The following DCHS1 variants were observed in gnomAD, a reference collection of about 807,000 sequenced individuals.
DCHS1 encodes protocadherin-16.
Under a neutral mutation model 213.9 loss-of-function variants are expected in DCHS1, and 78 were observed. The ratio of observed to expected loss-of-function variants is 0.36; its 90% CI spans 0.30 to 0.44. The LOEUF (loss-of-function observed/expected upper bound fraction) is 0.44, where lower values mean the gene tolerates loss of function less well. Among genes scored for constraint, DCHS1 ranks in the 20% least tolerant of loss-of-function variants. DCHS1 has a pLI of 1.00. For missense variants in DCHS1, 3,946 were observed against 4,395.9 expected, an observed-to-expected ratio of 0.90 and a Z score of 2.89; for synonymous variants, 1,828 against 1,873.7, an observed-to-expected ratio of 0.98 and a Z score of 0.63.
rs756426550 is a variant in DCHS1 at position 6,624,067 on chromosome 11, G to A, written c.7609C>T (p.Leu2537=). 29 of 1,613,022 alleles carry A rather than the reference G, an allele frequency of 1.8e-5. No homozygotes were observed. The highest frequency in any genetic ancestry group is 2.1e-5 in the Non-Finnish European group (25 of 1,179,666). The change falls in exon 21 of 21, where the codon CTG becomes TTG. Residue 2537 remains leucine (L), a synonymous_variant. Coordinates refer to ENST00000299441, the MANE Select transcript of DCHS1 (RefSeq NM_003737.4). ...WGRVFQLEPR[L]AEAGESAGPG... The stretch of plus-strand genomic sequence containing the variant: ...CCAGCACTCTCCCCAGCCTCAGCCA[G>A]CCTGGGTTCCAGCTGGAAGACTCGG...
chr11:6,622,287 G>A lies in DCHS1; in HGVS notation c.9389C>T (p.Thr3130Ile). Residue 3130 changes from threonine to isoleucine, a missense_variant, in exon 21 of 21, where the codon ACT (threonine) becomes ATT (isoleucine). Thr to Ile is a moderately conservative substitution (Grantham distance 89, BLOSUM62 -1). Around this residue, in one of 3 missense-constraint regions of DCHS1, gnomAD observed 554 missense variants for 590.2 expected, o/e 0.94. Transcript: ENST00000299441. The surrounding 1 kb of genome is among the most constrained non-coding windows in gnomAD (Gnocchi z 5.4). ...LGGCGLSPAP[T>I]GDYGFPADGK... ...ATCTGCTGGGAAGCCATAGTCCCCAGTGGGTGCAGGGCTCAGGCCACAGCC... is the reference window on the plus strand; with the variant it reads ...ATCTGCTGGGAAGCCATAGTCCCCAATGGGTGCAGGGCTCAGGCCACAGCC... 6.2e-7 allele frequency: 1 copy of A among 1,607,336 alleles called. No homozygotes were observed. The highest frequency in any genetic ancestry group is 8.5e-7 in the Non-Finnish European group (1 of 1,177,414).
In DCHS1 at chr11:6,641,764, A is replaced by G; in HGVS notation, c.-120-31T>C. Reference sequence around the variant, plus strand: ...AGAAAACAGAAGGAAACGGGTCATGACAGAGGAGGGATCAGCAGTCCAGAT... The same window carrying G: ...AGAAAACAGAAGGAAACGGGTCATGGCAGAGGAGGGATCAGCAGTCCAGAT... On this transcript the variant is annotated intron_variant, in intron 1 of 20. Coordinates refer to ENST00000299441, the MANE Select transcript of DCHS1 (RefSeq NM_003737.4). The surrounding 1 kb of genome is among the most constrained non-coding windows in gnomAD (Gnocchi z 7.1). 1 of 1,428,262 alleles carries G rather than the reference A, an allele frequency of 7.0e-7. No individual in the cohort carries two copies. The highest frequency in any genetic ancestry group is 9.1e-7 in the Non-Finnish European group (1 of 1,093,166). 88.5% of individuals were successfully genotyped at this position (1,428,262 alleles called of 1,614,324 possible). A position where few individuals can be genotyped will look rare whatever the true frequency, so the allele number is the denominator to read the frequency against.
intron 11 of DCHS1, 43 bp downstream of exon 11, chr11:6,629,628 TG>T: frequency 1.2e-6 from 2 of 1,612,936 alleles, no homozygotes; most frequent in Non-Finnish European, 1.7e-6. Flanking sequence ...TGCTGTTTCT[TG>T]CCCCAGTCCA....
In DCHS1 at chr11:6,632,479, T is replaced by C; in HGVS notation, c.3033A>G (p.Ser1011=). Residue 1011 remains serine, a synonymous_variant, in exon 6 of 21, where the codon TCA becomes TCG. Transcript: ENST00000299441. This position sits in a 1 kb window ranked among gnomAD's most constrained non-coding sequence, Gnocchi z 5.9. ...GGACCTGAGTTCCAGCAGTGGTGCC[T>C]GAGGGCAGGTCCACACGGTAGGTAG... ...NSPTYRVDLP[S]GTTAGTQVLQ... The C allele has an allele frequency of 6.3e-7, 1 of 1,585,452 alleles. No individual in the cohort carries two copies.
At position 6,641,880 on chromosome 11, in the gene DCHS1, T is replaced by C; in HGVS notation, c.-120-147A>G. 1 of 666,580 alleles carries C rather than the reference T, an allele frequency of 1.5e-6. No homozygotes were observed. Among genetic ancestry groups the C allele is most frequent in the Non-Finnish European group, 2.3e-6 (1 of 427,030 alleles). 41.3% of individuals were successfully genotyped at this position (666,580 alleles called of 1,614,324 possible). A position where few individuals can be genotyped will look rare whatever the true frequency, so the allele number is the denominator to read the frequency against. On this transcript the variant is annotated intron_variant, in intron 1 of 20. Transcript: ENST00000299441. The surrounding 1 kb of genome is among the most constrained non-coding windows in gnomAD (Gnocchi z 7.1). ...ACACTCATCTTGGGCCACACGGATC[T>C]CTGCCTCAGGACTCTTCGAGGCCAC...
At position 6,622,041 on chromosome 11, in the gene DCHS1, C is replaced by A; in HGVS notation, c.9635G>T (p.Gly3212Val). 1 of 1,612,618 alleles carries A rather than the reference C, an allele frequency of 6.2e-7. No individual in the cohort carries two copies. Among genetic ancestry groups the A allele is most frequent in the Non-Finnish European group, 8.5e-7 (1 of 1,179,486 alleles). ...PPLITAVAHP[G>V]AKSVPPKPAN... ...TGGCTTGGGGGGCACAGACTTGGCT[C>A]CTGGGTGGGCCACGGCAGTGATGAG... The change falls in exon 21 of 21, where the codon GGA becomes GTA. Residue 3212 changes from glycine (G) to valine (V), a missense_variant. Gly to Val is a moderately radical substitution (Grantham distance 109, BLOSUM62 -3). Coordinates refer to ENST00000299441, the MANE Select transcript of DCHS1 (RefSeq NM_003737.4). This position sits in a 1 kb window ranked among gnomAD's most constrained non-coding sequence, Gnocchi z 5.4.
In DCHS1 at chr11:6,624,282, C is replaced by G. The variant is rs773889155; in HGVS notation, c.7394G>C (p.Arg2465Pro). 1 of 1,602,218 alleles carries G rather than the reference C, an allele frequency of 6.2e-7. No individual in the cohort carries two copies. Among genetic ancestry groups the G allele is most frequent in the African/African-American group, 1.3e-5 (1 of 74,756 alleles). Residue 2465 changes from arginine to proline, a missense_variant, in exon 21 of 21, where the codon CGA becomes CCA. Physicochemically the swap from Arg to Pro is moderately radical, Grantham distance 103. This residue lies in a region of DCHS1 where 3,384 missense variants were observed against 3,780.1 expected (regional missense o/e 0.90). Transcript: ENST00000299441. ...RDHGAPGRAA[R>P]ATVHVQLQDQ... ...CTGCAGCTGCACGTGCACTGTGGCT[C>G]GTGCTGCCCGGCCTGGAGCCCCGTG...
In DCHS1 at chr11:6,639,960, C is replaced by G. The variant is rs778093381; in HGVS notation, c.1654G>C (p.Asp552His). 1.2e-6 allele frequency: 2 copies of G among 1,614,030 alleles called. No individual in the cohort carries two copies. Among genetic ancestry groups the G allele is most frequent in the South Asian group, 2.2e-5 (2 of 91,082 alleles). The change falls in exon 2 of 21, where the codon GAT becomes CAT. Residue 552 changes from aspartate to histidine, a missense_variant. By Grantham distance (81) the Asp-to-His change is moderately conservative. Transcript: ENST00000299441. Reference protein sequence around the residue: ...PQPQLIVVATDGGLPPLASSA... With the variant: ...PQPQLIVVATHGGLPPLASSA... ...GAGGCTAGAGGGGGCAGGCCACCAT[C>G]TGTGGCCACCACAATCAGCTGTGGC...
In DCHS1 at chr11:6,631,405, T is replaced by C. The variant is rs374415969; in HGVS notation, c.3678A>G (p.Val1226=). The change falls in exon 8 of 21, where the codon GTA becomes GTG. Residue 1226 remains valine, a splice_region_variant and synonymous_variant. Transcript: ENST00000299441. ...GAAGGGLPIQ[V]PDRVPPGTLV... The stretch of plus-strand genomic sequence containing the variant: ...GTGTTCCCGGAGGCACGCGGTCTGG[T>C]ACCTGTGGGAACACAACTCACCTAG... 2.5e-5 allele frequency: 41 copies of C among 1,613,972 alleles called. 1 individual carries two copies. Among genetic ancestry groups the C allele is most frequent in the Admixed American group, 1.7e-4 (10 of 60,036 alleles).
rs981179741 is a variant in DCHS1 at position 6,630,399 on chromosome 11, G to A, written c.4395C>T (p.Gly1465=). 1.4e-6 allele frequency: 2 copies of A among 1,418,694 alleles called. No individual in the cohort carries two copies. The highest frequency in any genetic ancestry group is 1.8e-6 in the Non-Finnish European group (2 of 1,091,122). The allele number at this position is 1,418,694 out of a possible 1,614,324, so 87.9% of individuals were successfully genotyped here. ...AGCGCACGTCGCTATTGGGGCCGGG[G>A]CCGTCGGCGTCCGACGCGCGGAAAG... is the stretch of plus-strand genomic sequence containing the variant. The part of the protein sequence containing the change: ...LYTFRASDAD[G]PGPNSDVRYR... Residue 1465 remains glycine (G), a synonymous_variant, in exon 10 of 21, where the codon GGC becomes GGT. Transcript: ENST00000299441.
At position 6,622,809 on chromosome 11, in the gene DCHS1, A is replaced by G. The variant is rs1208331193; in HGVS notation, c.8867T>C (p.Leu2956Pro). The change falls in exon 21 of 21, where the codon CTG becomes CCG. Residue 2956 changes from leucine to proline, a missense_variant. Physicochemically the swap from Leu to Pro is moderately conservative, Grantham distance 98 (BLOSUM62 -3). Around this residue, in one of 3 missense-constraint regions of DCHS1, gnomAD observed 554 missense variants for 590.2 expected, o/e 0.94. Transcript: ENST00000299441. This position sits in a 1 kb window ranked among gnomAD's most constrained non-coding sequence, Gnocchi z 5.4. ...GVVVVLALAA[L>P]VLGLVRARSR... ...ACGGGCCCGAACAAGTCCTAGGACC[A>G]GGGCTGCCAGTGCAAGCACCACCAC... is the stretch of plus-strand genomic sequence containing the variant. 6.3e-7 allele frequency: 1 copy of G among 1,593,176 alleles called. No individual in the cohort carries two copies. Among genetic ancestry groups the G allele is most frequent in the Admixed American group, 1.7e-5 (1 of 57,366 alleles).
rs1855827689 is a variant in DCHS1 at position 6,627,428 on chromosome 11, C to G, written c.5611G>C (p.Gly1871Arg). The G allele has an allele frequency of 6.2e-7, 1 of 1,610,670 alleles. No homozygotes were observed. Among genetic ancestry groups the G allele is most frequent in the Non-Finnish European group, 8.5e-7 (1 of 1,178,530 alleles). ...GCCTGTAGCTGCAGCAGCAGGGTCC[C>G]TGCAGGCACATCCTCCGGCACCTCC... ...SVEVPEDVPA[G>R]TLLLQLQAHD... Residue 1871 changes from glycine (G) to arginine (R), a missense_variant, in exon 14 of 21, where the codon GGG becomes CGG. Physicochemically the swap from Gly to Arg is moderately radical, Grantham distance 125. Around this residue, in one of 3 missense-constraint regions of DCHS1, gnomAD observed 3,384 missense variants for 3,780.1 expected, o/e 0.90. Transcript: ENST00000299441. This position sits in a 1 kb window ranked among gnomAD's most constrained non-coding sequence, Gnocchi z 5.4.
At chr11:6,635,625 TG>T (rs1305108205) in intron 2 of DCHS1, among the ~76,000 whole-genome samples, 16 of 152,126 alleles carry the variant, frequency 1.1e-4, no homozygotes, top group Admixed American at 1.0e-3. Context: ...GACCCTGCCA[TG>T]GCTGAACCCT....
chr11:6,630,415 G>A lies in DCHS1; in HGVS notation c.4379C>T (p.Ala1460Val). The stretch of plus-strand genomic sequence containing the variant: ...GGGGCCGGGGCCGTCGGCGTCCGAC[G>A]CGCGGAAAGTGTACAGCGCTGCGCC... ...EPGAALYTFR[A>V]SDADGPGPNS... The change falls in exon 10 of 21, where the codon GCG (alanine) becomes GTG (valine). Residue 1460 changes from alanine (A) to valine (V), a missense_variant. By Grantham distance (64) the Ala-to-Val change is moderately conservative (BLOSUM62 0). Transcript: ENST00000299441. 1 of 1,440,332 alleles carries A rather than the reference G, an allele frequency of 6.9e-7. No homozygotes were observed. Among genetic ancestry groups the A allele is most frequent in the Non-Finnish European group, 9.1e-7 (1 of 1,102,438 alleles). 89.2% of individuals were successfully genotyped at this position (1,440,332 alleles called of 1,614,324 possible). A position where few individuals can be genotyped will look rare whatever the true frequency, so the allele number is the denominator to read the frequency against.
In DCHS1 at chr11:6,625,475, A is replaced by G; in HGVS notation, c.6869T>C (p.Leu2290Ser). The change falls in exon 19 of 21, where the codon TTA (leucine) becomes TCA (serine). Residue 2290 changes from leucine (L) to serine (S), a missense_variant. By Grantham distance (145) the Leu-to-Ser change is moderately radical. Coordinates refer to ENST00000299441, the MANE Select transcript of DCHS1 (RefSeq NM_003737.4). This position sits in a 1 kb window ranked among gnomAD's most constrained non-coding sequence, Gnocchi z 5.3. ...PWELRVSEDA[L>S]LGSEIAQVTG... ...TACCTGTGCAATCTCTGAGCCCAAT[A>G]ACGCATCTGGAATACATGAGACTAG... is the stretch of plus-strand genomic sequence containing the variant. The G allele has an allele frequency of 6.2e-7, 1 of 1,603,364 alleles. No individual in the cohort carries two copies. The highest frequency in any genetic ancestry group is 8.5e-7 in the Non-Finnish European group (1 of 1,174,456).
rs957405051 is a variant in DCHS1, at chr11:6,626,480, G to A, written c.6364+72C>T. The A allele has an allele frequency of 3.8e-4, 606 of 1,605,218 alleles. 1 individual carries two copies. The highest frequency in any genetic ancestry group is 4.7e-4 in the Non-Finnish European group (556 of 1,173,506). ...CAAGGACAGCCCTTCACCCATCAAA[G>A]GCTCCTCTGATGCAAAGAACCTGCT... On this transcript the variant is annotated intron_variant, in intron 15 of 20. Coordinates refer to ENST00000299441, the MANE Select transcript of DCHS1 (RefSeq NM_003737.4). This position sits in a 1 kb window ranked among gnomAD's most constrained non-coding sequence, Gnocchi z 5.2.
rs1198033565 is a variant in DCHS1 at position 6,630,056 on chromosome 11, C to A, written c.4738G>T (p.Val1580Leu). 2 of 1,563,364 alleles carry A rather than the reference C, an allele frequency of 1.3e-6. No individual in the cohort carries two copies. Among genetic ancestry groups the A allele is most frequent in the African/African-American group, 1.4e-5 (1 of 73,922 alleles). The change falls in exon 10 of 21, where the codon GTG becomes TTG. Residue 1580 changes from valine (V) to leucine (L), a missense_variant. By Grantham distance (32) the Val-to-Leu change is conservative. This residue lies in a region of DCHS1 where 3,384 missense variants were observed against 3,780.1 expected (regional missense o/e 0.90). Coordinates refer to ENST00000299441, the MANE Select transcript of DCHS1 (RefSeq NM_003737.4). ...RDPDLGEAAR[V>L]SYRLASGGDG... ...CCGCCAGATGCCAGCCGATAGGACA[C>A]GCGTGCAGCCTCGCCCAGATCCGGG...
In DCHS1 at chr11:6,641,952, A is replaced by C. The variant is rs1370996128; in HGVS notation, c.-120-219T>G. Among the ~76,000 whole-genome samples the C allele has an allele frequency of 6.6e-6, 1 of 152,088 alleles. No individual in the cohort carries two copies. Among genetic ancestry groups the C allele is most frequent in the East Asian group, 1.9e-4 (1 of 5,192 alleles). On this transcript the variant is annotated intron_variant, in intron 1 of 20. Transcript: ENST00000299441. This position sits in a 1 kb window ranked among gnomAD's most constrained non-coding sequence, Gnocchi z 7.1. Reference sequence around the variant, plus strand: ...TCTCATCCTTTCCTACCCTCAGCAGATTTTTATGCATCCTATTTTTTCGGG... The same window carrying C: ...TCTCATCCTTTCCTACCCTCAGCAGCTTTTTATGCATCCTATTTTTTCGGG...
rs1564858557 is a variant in DCHS1 at position 6,622,825 on chromosome 11, GCAC to G, written c.8848_8850del (p.Val2950del). The G allele has an allele frequency of 3.8e-6, 6 of 1,594,394 alleles. No individual in the cohort carries two copies. Among genetic ancestry groups the G allele is most frequent in the East Asian group, 4.6e-5 (2 of 43,742 alleles). ...CCTAGGACCAGGGCTGCCAGTGCAAGCACCACCACAACTCCCAAGGAGGCTGCC... is the reference window on the plus strand; with the variant it reads ...CCTAGGACCAGGGCTGCCAGTGCAAGCACCACAACTCCCAAGGAGGCTGCC... On this transcript the variant is annotated inframe_deletion, in exon 21 of 21. Transcript: ENST00000299441. The surrounding 1 kb of genome is among the most constrained non-coding windows in gnomAD (Gnocchi z 5.4).
Sources: gnomAD v4.1 joint callset for allele counts (sites outside exome capture counted in the v4.1 genomes callset) on GRCh38, gnomAD v4.1.1 for gene constraint, gnomAD v4.1.1 regional missense constraint, Gnocchi (gnomAD v3.1) non-coding constraint, MANE v1.5 for transcripts, NCBI Gene and HGNC (gene_info 2026-07-23, HGNC 2026-07-21) for gene names.